The following SSX2IP variants were observed in gnomAD, a reference collection of about 807,000 sequenced individuals.
SSX2IP encodes the protein afadin- and alpha-actinin-binding protein.
In SSX2IP, 55 loss-of-function variants were observed where a neutral mutation model predicts 84.9. That is an observed-to-expected ratio of 0.65 (90% CI 0.52 to 0.81). SSX2IP has a LOEUF of 0.81. Ranked by LOEUF, SSX2IP falls within the 30% of genes least tolerant of loss-of-function variation. SSX2IP has a pLI of 0.00. For synonymous variants in SSX2IP, 239 were observed against 234.7 expected (o/e 1.02, Z -0.17); for missense variants, 664 against 705.2 (o/e 0.94, Z 0.66).
intron 1 of SSX2IP, among the ~76,000 whole-genome samples, chr1:84,689,956 C>A (rs1024938009): frequency 6.6e-6 from 1 of 152,144 alleles, no homozygotes; most frequent in African/African-American, 2.4e-5. Flanking sequence ...ACCCCGCATG[C>A]CCCACGGCCG....
intron 2 of SSX2IP, 29 bp downstream of exon 2, chr1:84,671,148 T>C (rs748598700): frequency 1.9e-6 from 3 of 1,602,134 alleles, no homozygotes; most frequent in African/African-American, 2.7e-5. Context: ...AGTTTCTGCT[T>C]TTGTTTACAA....
chr1:84,646,080 G>A lies in SSX2IP; in HGVS notation c.*1353C>T, dbSNP rs1306289274. ...TGAATTTAAAATAGCCACAAACAGG[G>A]TGAGTGCATGTAAGCGGCTGAACTG... On this transcript the variant is annotated 3_prime_UTR_variant, in exon 14 of 14. Transcript: ENST00000342203. 1 of 152,480 alleles carries A rather than the reference G, an allele frequency of 6.6e-6. No individual in the cohort carries two copies. The highest frequency in any genetic ancestry group is 2.4e-5 in the African/African-American group (1 of 41,392). The allele number at this position is 152,480 out of a possible 1,614,324, so 9.4% of individuals were successfully genotyped here.
At chr1:84,653,843 A>T (rs936838874) in intron 11 of SSX2IP, among the ~76,000 whole-genome samples, 1 of 146,276 alleles carries the variant, frequency 6.8e-6, no homozygotes, top group African/African-American at 2.5e-5. Context: ...CAGATGAAAG[A>T]AATCTTTTTT....
At chr1:84,658,601 T>C (rs1651470745) in intron 8 of SSX2IP, 133 bp from the exon 9 acceptor site, 2 of 982,948 alleles carry the variant, frequency 2.0e-6, no homozygotes, top group Non-Finnish European at 2.8e-6. Flanking sequence ...CTTATGCATA[T>C]ATGGCCCAGT....
chr1:84,675,481 G>T (rs187707277), intron 1 of SSX2IP, among the ~76,000 whole-genome samples: 162 of 152,276 alleles, frequency 1.1e-3, no homozygotes, highest in African/African-American at 3.8e-3. Context: ...AGGCAAACCA[G>T]CCTCCCATTT....
At chr1:84,655,329 T>C (rs1475919766) in intron 11 of SSX2IP, 2 of 1,094,132 alleles carry the variant, frequency 1.8e-6, no homozygotes, top group African/African-American at 3.4e-5. Context: ...TTAACCTTAT[T>C]CAGACATTAC....
intron 1 of SSX2IP, among the ~76,000 whole-genome samples, chr1:84,686,419 A>C (rs1243402296): frequency 6.6e-6 from 1 of 152,198 alleles, no homozygotes; most frequent in African/African-American, 2.4e-5. Context: ...CTTGACAGAT[A>C]ATAGTGTCAT....
chr1:84,653,670 T>G (rs1296058777), intron 11 of SSX2IP, among the ~76,000 whole-genome samples: 1 of 152,214 alleles, frequency 6.6e-6, no homozygotes, highest in African/African-American at 2.4e-5. Context: ...ACGTTCACAC[T>G]GTGAACTGAG....
intron 3 of SSX2IP, 81 bp from the exon 4 acceptor site, chr1:84,669,974 G>C (rs1557505635): frequency 1.0e-6 from 1 of 961,486 alleles, no homozygotes. Flanking sequence ...CAGTTAGATA[G>C]GAAGAATAAG....
chr1:84,683,312 TTTACCACCTCAC>T (rs1268859381), intron 1 of SSX2IP, among the ~76,000 whole-genome samples: 125 of 152,266 alleles, frequency 8.2e-4, no homozygotes, highest in Non-Finnish European at 9.4e-4. Context: ...TATTCTCTTC[TTTACCACCTCAC>T]CTGAAACTAA....
At chr1:84,683,150 CTTTTTTT>C (rs58800832) in intron 1 of SSX2IP, among the ~76,000 whole-genome samples, 86 of 142,962 alleles carry the variant, frequency 6.0e-4, no homozygotes, top group African/African-American at 2.2e-3. Flanking sequence ...ATTCAAGCTG[CTTTTTTT>C]TTTTTTAAGT....
At position 84,656,550 on chromosome 1, in the gene SSX2IP, A is replaced by G. The variant is rs749251388; in HGVS notation, c.1079-66T>C. On this transcript the variant is annotated intron_variant, in intron 9 of 13. Coordinates refer to ENST00000342203, the MANE Select transcript of SSX2IP (RefSeq NM_001166293.2). ...CCACTTAGTTTACAGTGTTTTGCAC[A>G]TATCTTTAAAACAAGGGCTCTCAGA... 118 of 1,389,754 alleles carry G rather than the reference A, an allele frequency of 8.5e-5. 1 individual carries two copies. Among genetic ancestry groups the G allele is most frequent in the Non-Finnish European group, 1.1e-4 (111 of 1,055,136 alleles). The allele number at this position is 1,389,754 out of a possible 1,614,324, so 86.1% of individuals were successfully genotyped here. A position where few individuals can be genotyped will look rare whatever the true frequency, so the allele number is the denominator to read the frequency against.
chr1:84,669,103 T>C (rs1653162337), intron 4 of SSX2IP, among the ~76,000 whole-genome samples: 2 of 151,606 alleles, frequency 1.3e-5, no homozygotes, highest in South Asian at 4.1e-4. Context: ...GAAATCAAAA[T>C]AGAAACCAGC....
chr1:84,675,790 T>C (rs1243756228), intron 1 of SSX2IP, among the ~76,000 whole-genome samples: 1 of 152,156 alleles, frequency 6.6e-6, no homozygotes, highest in Non-Finnish European at 1.5e-5. Context: ...CACATGTAAA[T>C]TGCGTATTCA....
At chr1:84,670,439 G>A (rs983636106) in intron 3 of SSX2IP, 7 of 334,360 alleles carry the variant, frequency 2.1e-5, no homozygotes, top group Non-Finnish European at 3.8e-5. Context: ...GAGCCCCTGG[G>A]ACAATGAGGA....
At chr1:84,651,247 C>A (rs547571434) in intron 12 of SSX2IP, among the ~76,000 whole-genome samples, 7 of 151,852 alleles carry the variant, frequency 4.6e-5, no homozygotes, top group African/African-American at 1.7e-4. Context: ...GAGCCCAGGA[C>A]GCTGAGGCTG....
chr1:84,673,234 A>G (rs1339004415), intron 1 of SSX2IP, among the ~76,000 whole-genome samples: 1 of 152,180 alleles, frequency 6.6e-6, no homozygotes, highest in Non-Finnish European at 1.5e-5. Context: ...GAGAGTATTA[A>G]GGTAGGGAGC....
intron 8 of SSX2IP, among the ~76,000 whole-genome samples, chr1:84,661,994 A>C (rs576060683): frequency 6.6e-6 from 1 of 152,296 alleles, no homozygotes; most frequent in South Asian, 2.1e-4. Context: ...AATTCCCCGG[A>C]AAATCATCTC....
chr1:84,672,732 A>C (rs1009402902), intron 1 of SSX2IP, among the ~76,000 whole-genome samples: 3 of 152,216 alleles, frequency 2.0e-5, no homozygotes, highest in Non-Finnish European at 4.4e-5. Context: ...ATAGTGTTAA[A>C]TGAAAATTTA....
Sources: allele counts gnomAD v4.1 joint callset (sites outside exome capture counted in the v4.1 genomes callset), GRCh38; gene constraint gnomAD v4.1.1; transcripts MANE v1.5; gene names NCBI Gene and HGNC (gene_info 2026-07-23, HGNC 2026-07-21).